PPM1H: variants seen among roughly 807,000 people sequenced by gnomAD.
PPM1H encodes protein phosphatase, Mg2+/Mn2+ dependent 1H, also known as protein phosphatase 1H.
PPM1H carries 27 observed loss-of-function variants against 54.9 expected under a neutral mutation model. The observed-to-expected ratio is 0.49, with a 90% CI of 0.36 to 0.68. The LOEUF (loss-of-function observed/expected upper bound fraction) is 0.68. PPM1H is among the 30% of genes least tolerant of loss of function. The probability of loss-of-function intolerance (pLI) is 0.00; values close to 1 mark genes in which losing one functional copy is unlikely to be tolerated. For synonymous variants in PPM1H, 305 were observed against 270.8 expected, an observed-to-expected ratio of 1.13 and a Z score of -1.24; for missense variants, 596 against 667.8, an observed-to-expected ratio of 0.89 and a Z score of 1.19.
rs911196028 is a variant in PPM1H at position 62,847,806 on chromosome 12, A to G, written c.246-15527T>C. Among the ~76,000 whole-genome samples the G allele has an allele frequency of 5.9e-5, 9 of 152,196 alleles. No homozygotes were observed. The South Asian group carries it at 8.3e-4, about 14-fold the overall frequency. On this transcript the variant is annotated intron_variant, in intron 1 of 9. Coordinates refer to ENST00000228705, the MANE Select transcript of PPM1H (RefSeq NM_020700.2). ...ATAACTATTACTGAAGCTTACCAAG[A>G]GTAGACAGTAAGCTGTTCAGAAATC... is the stretch of plus-strand genomic sequence containing the variant.
At position 62,664,800 on chromosome 12, in the gene PPM1H, G is replaced by A. The variant is rs578013288; in HGVS notation, c.1397+2378C>T. On this transcript the variant is annotated intron_variant, in intron 9 of 9. Coordinates refer to ENST00000228705, the MANE Select transcript of PPM1H (RefSeq NM_020700.2). ...ATTTCTTCAGAAGAGGTTAGTTGGC[G>A]GTAATATGTATCAGTTTATGTTTTG... 6.0e-4 allele frequency among the ~76,000 whole-genome samples: 91 copies of A among 152,174 alleles called. 1 individual carries two copies. Among genetic ancestry groups the A allele is most frequent in the Middle Eastern group, 6.8e-3 (2 of 294 alleles).
At chr12:62,863,342 G>A (rs1869669965) in intron 1 of PPM1H, among the ~76,000 whole-genome samples, 1 of 152,140 alleles carries the variant, frequency 6.6e-6, no homozygotes, top group South Asian at 2.1e-4. Context: ...AGCTGTTTAA[G>A]TAAAAATGAT....
At chr12:62,923,388 T>C (rs1461844252) in intron 1 of PPM1H, among the ~76,000 whole-genome samples, 1 of 151,770 alleles carries the variant, frequency 6.6e-6, no homozygotes, top group Admixed American at 6.6e-5. Context: ...CATTTGAAAA[T>C]TTTTTTTTCT....
chr12:62,745,116 C>A (rs1166701923), intron 4 of PPM1H, among the ~76,000 whole-genome samples: 9 of 152,236 alleles, frequency 5.9e-5, no homozygotes, highest in African/African-American at 2.2e-4. Context: ...CGACACCTAG[C>A]AGCTTGATAA....
chr12:62,786,681 C>T (rs1039865326), intron 4 of PPM1H, among the ~76,000 whole-genome samples: 2 of 152,214 alleles, frequency 1.3e-5, no homozygotes, highest in South Asian at 4.1e-4. Flanking sequence ...CTCTCTACCT[C>T]CTTCATTCAC....
chr12:62,911,403 T>C (rs1871456088), intron 1 of PPM1H, among the ~76,000 whole-genome samples: 1 of 152,242 alleles, frequency 6.6e-6, no homozygotes, highest in Non-Finnish European at 1.5e-5. Flanking sequence ...TGTTAGTTTT[T>C]CTTGCATATC....
intron 4 of PPM1H, among the ~76,000 whole-genome samples, chr12:62,771,414 C>T (rs1238925904): frequency 6.6e-6 from 1 of 151,730 alleles, no homozygotes; most frequent in Non-Finnish European, 1.5e-5. Flanking sequence ...GTTCTAGGGT[C>T]CAGAGCTAAT....
intron 2 of PPM1H, among the ~76,000 whole-genome samples, chr12:62,823,278 G>A (rs921920295): frequency 2.0e-5 from 3 of 152,100 alleles, no homozygotes; most frequent in African/African-American, 4.8e-5. Context: ...AGAAAGTCCA[G>A]AACCAGACGG....
intron 6 of PPM1H, among the ~76,000 whole-genome samples, chr12:62,710,440 C>T (rs2076200209): frequency 6.7e-6 from 1 of 149,464 alleles, no homozygotes. Context: ...GCTGAGGCAT[C>T]AAAATCGCTT....
intron 1 of PPM1H, among the ~76,000 whole-genome samples, chr12:62,883,991 CAGAGATGAGAACAAACAGACAAA>C (rs1168140417): frequency 5.9e-5 from 9 of 152,042 alleles, no homozygotes; most frequent in Admixed American, 1.3e-4. Context: ...GCCCCTTCGA[CAGAGATGAGAACAAACAGACAAA>C]AGAGATGAGA....
At chr12:62,907,754 C>T (rs1426406869) in intron 1 of PPM1H, among the ~76,000 whole-genome samples, 1 of 152,152 alleles carries the variant, frequency 6.6e-6, no homozygotes, top group Non-Finnish European at 1.5e-5. Context: ...CTACTAGTCA[C>T]ACACGTGTGA....
chr12:62,667,408 C>T lies in PPM1H; in HGVS notation c.1246-79G>A, dbSNP rs184211888. On this transcript the variant is annotated intron_variant, in intron 8 of 9. Coordinates refer to ENST00000228705, the MANE Select transcript of PPM1H (RefSeq NM_020700.2). ...CCTAACAAACTGACTTCTGATTCCC[C>T]TTCCCTTTTCCTGCCCAGCCTAGTG... The T allele has an allele frequency of 3.1e-6, 4 of 1,283,454 alleles. No homozygotes were observed. The Admixed American group carries it at 9.9e-5, about 32-fold the overall frequency. 79.5% of individuals were successfully genotyped at this position (1,283,454 alleles called of 1,614,324 possible). A position where few individuals can be genotyped will look rare whatever the true frequency, so the allele number is the denominator to read the frequency against.
At position 62,878,902 on chromosome 12, in the gene PPM1H, T is replaced by G. The variant is rs1870283997; in HGVS notation, c.246-46623A>C. Among the ~76,000 whole-genome samples, 3 of 152,060 alleles carry G rather than the reference T, an allele frequency of 2.0e-5. No individual in the cohort carries two copies. The South Asian group carries it at 6.2e-4, about 31-fold the overall frequency. ...TTGCTGTGAGCAGAGATCGCGCCAC[T>G]GCACTCCAGCCTGGGTGACAGGGCA... On this transcript the variant is annotated intron_variant, in intron 1 of 9. Transcript: ENST00000228705.
intron 2 of PPM1H, among the ~76,000 whole-genome samples, chr12:62,821,361 C>G (rs1364840738): frequency 3.3e-5 from 5 of 152,132 alleles, no homozygotes; most frequent in African/African-American, 9.7e-5. Context: ...GGATATGATC[C>G]AGGAGAACTT....
At chr12:62,754,462 G>C (rs1207467049) in intron 4 of PPM1H, among the ~76,000 whole-genome samples, 2 of 152,188 alleles carry the variant, frequency 1.3e-5, no homozygotes, top group Non-Finnish European at 2.9e-5. Context: ...AATTACTCAG[G>C]AGGCTGAGGT....
intron 5 of PPM1H, among the ~76,000 whole-genome samples, chr12:62,732,121 G>T (rs958911720): frequency 2.0e-5 from 3 of 152,136 alleles, no homozygotes; most frequent in African/African-American, 7.2e-5. Flanking sequence ...CAGATCATCA[G>T]CTCTCCCTGG....
intron 1 of PPM1H, among the ~76,000 whole-genome samples, chr12:62,900,047 A>C (rs1244345691): frequency 6.6e-6 from 1 of 152,196 alleles, no homozygotes; most frequent in Non-Finnish European, 1.5e-5. Context: ...CTGATCACAG[A>C]CTGTCAGCCT....
At chr12:62,883,494 A>G (rs1870468164) in intron 1 of PPM1H, among the ~76,000 whole-genome samples, 1 of 152,174 alleles carries the variant, frequency 6.6e-6, no homozygotes, top group Non-Finnish European at 1.5e-5. Context: ...CAGGGCATGA[A>G]GTATTGGCAG....
At chr12:62,884,688 G>A (rs1870524478) in intron 1 of PPM1H, among the ~76,000 whole-genome samples, 1 of 152,052 alleles carries the variant, frequency 6.6e-6, no homozygotes, top group South Asian at 2.1e-4. Flanking sequence ...GTAGTTATAC[G>A]GTATTGTGTA....
Sources: allele counts gnomAD v4.1 joint callset (sites outside exome capture counted in the v4.1 genomes callset), GRCh38; gene constraint gnomAD v4.1.1; transcripts MANE v1.5; gene names NCBI Gene and HGNC (gene_info 2026-07-23, HGNC 2026-07-21).